Variants in AGBL4 observed in about 807,000 individuals in gnomAD.
The protein encoded by AGBL4 is cytosolic carboxypeptidase 6.
In AGBL4, 58 loss-of-function variants were observed where a neutral mutation model predicts 66.4. That is an observed-to-expected ratio of 0.87 (90% CI 0.71 to 1.09). The LOEUF is 1.09. Ranked by LOEUF, AGBL4 falls within the 50% of genes least tolerant of loss-of-function variation. AGBL4 has a pLI of 0.00. For missense variants in AGBL4, 579 were observed against 631.0 expected, an observed-to-expected ratio of 0.92 and a Z score of 0.88; for synonymous variants, 234 against 222.9, an observed-to-expected ratio of 1.05 and a Z score of -0.44.
At chr1:49,245,957 A>C (rs1192191488) in intron 3 of AGBL4, 93 bp from the exon 4 acceptor site, 2 of 933,348 alleles carry the variant, frequency 2.1e-6, no homozygotes, top group Non-Finnish European at 3.3e-6. Context: ...GGGTTAAAGA[A>C]AGCCATATGG....
chr1:48,720,960 T>G (rs1401627641), intron 6 of AGBL4, among the ~76,000 whole-genome samples: 1 of 107,080 alleles, frequency 9.3e-6, no homozygotes, highest in Non-Finnish European at 2.7e-5. Flanking sequence ...CCAGAGAGGA[T>G]AGTTTTTTTT....
At chr1:49,252,803 C>A (rs1652177118) in intron 3 of AGBL4, among the ~76,000 whole-genome samples, 1 of 152,050 alleles carries the variant, frequency 6.6e-6, no homozygotes, top group South Asian at 2.1e-4. Flanking sequence ...CATATCTGAC[C>A]AAAGTAAGCT....
chr1:49,258,329 A>T (rs1437317511), intron 3 of AGBL4, among the ~76,000 whole-genome samples: 1 of 152,232 alleles, frequency 6.6e-6, no homozygotes, highest in Non-Finnish European at 1.5e-5. Flanking sequence ...GAGTTGAGAG[A>T]AGAAGGCTTC....
chr1:49,381,673 A>G (rs1445793483), intron 3 of AGBL4, among the ~76,000 whole-genome samples: 4 of 152,146 alleles, frequency 2.6e-5, no homozygotes, highest in Non-Finnish European at 4.4e-5. Flanking sequence ...GCCATAAAAA[A>G]TGATGAGTTC....
chr1:49,046,467 G>A (rs1286517507), intron 4 of AGBL4, among the ~76,000 whole-genome samples: 3 of 152,162 alleles, frequency 2.0e-5, no homozygotes, highest in African/African-American at 7.2e-5. Context: ...TTGGGAAATA[G>A]TGCTTTAAAA....
At chr1:48,761,442 C>A in intron 6 of AGBL4, 1 of 1,551,256 alleles carries the variant, frequency 6.4e-7, no homozygotes, top group Non-Finnish European at 8.7e-7. Context: ...TCTTCTGCAT[C>A]ACACTGTTTT....
intron 1 of AGBL4, among the ~76,000 whole-genome samples, chr1:49,883,186 T>C (rs1385529618): frequency 1.3e-5 from 2 of 152,202 alleles, no homozygotes; most frequent in Admixed American, 6.5e-5. Flanking sequence ...AATACAACAC[T>C]ACCATATCAA....
intron 4 of AGBL4, among the ~76,000 whole-genome samples, chr1:49,162,911 C>T (rs1200967035): frequency 6.6e-6 from 1 of 152,076 alleles, no homozygotes; most frequent in Non-Finnish European, 1.5e-5. Context: ...TTGCTTGATA[C>T]CTATTTTTGA....
chr1:49,510,252 C>T (rs993000668), intron 3 of AGBL4, among the ~76,000 whole-genome samples: 1 of 151,828 alleles, frequency 6.6e-6, no homozygotes, highest in Non-Finnish European at 1.5e-5. Context: ...CTGTTGTTTC[C>T]TGACTTTTTA....
intron 3 of AGBL4, among the ~76,000 whole-genome samples, chr1:49,493,761 T>A (rs1647280656): frequency 6.6e-6 from 1 of 152,028 alleles, no homozygotes; most frequent in Non-Finnish European, 1.5e-5. Flanking sequence ...AGTTTTGAAT[T>A]GTTTTTGTAT....
At chr1:49,098,881 G>A (rs1332892758) in intron 4 of AGBL4, among the ~76,000 whole-genome samples, 2 of 152,176 alleles carry the variant, frequency 1.3e-5, no homozygotes, top group Non-Finnish European at 2.9e-5. Flanking sequence ...ATGGCAATAT[G>A]CAATCCAATG....
At chr1:49,918,715 A>C (rs1651859263) in intron 1 of AGBL4, among the ~76,000 whole-genome samples, 1 of 152,234 alleles carries the variant, frequency 6.6e-6, no homozygotes, top group Non-Finnish European at 1.5e-5. Flanking sequence ...AAAAAGAGGG[A>C]ATACTCCCTA....
chr1:48,653,266 C>T (rs573258620), intron 8 of AGBL4, 71 bp downstream of exon 8: 49 of 1,191,350 alleles, frequency 4.1e-5, no homozygotes, highest in Middle Eastern at 2.0e-4. Context: ...AAATATATCC[C>T]GTATTTTTTC....
intron 3 of AGBL4, among the ~76,000 whole-genome samples, chr1:49,632,501 T>C (rs1287317856): frequency 2.6e-5 from 4 of 152,198 alleles, no homozygotes; most frequent in Non-Finnish European, 4.4e-5. Flanking sequence ...TCATCTGTCC[T>C]CCTATGAGAA....
At chr1:49,365,324 T>G (rs549728296) in intron 3 of AGBL4, among the ~76,000 whole-genome samples, 1 of 152,042 alleles carries the variant, frequency 6.6e-6, no homozygotes, top group Non-Finnish European at 1.5e-5. Context: ...CTTCTAGGCC[T>G]CATCTGAACC....
chr1:49,976,362 C>A (rs7522038), intron 1 of AGBL4, among the ~76,000 whole-genome samples: 19 of 152,006 alleles, frequency 1.2e-4, no homozygotes, highest in Non-Finnish European at 2.6e-4. Flanking sequence ...TACCCATGCA[C>A]TTTGGGGGTT....
intron 3 of AGBL4, among the ~76,000 whole-genome samples, chr1:49,627,305 T>C (rs1443776234): frequency 2.0e-5 from 3 of 152,130 alleles, no homozygotes; most frequent in African/African-American, 7.2e-5. Flanking sequence ...TATTTTTAAA[T>C]CTATATTAAT....
intron 3 of AGBL4, among the ~76,000 whole-genome samples, chr1:49,407,137 T>A (rs1645221776): frequency 6.6e-6 from 1 of 151,826 alleles, no homozygotes; most frequent in South Asian, 2.1e-4. Context: ...CAGTTAATTT[T>A]ATGTATCAAA....
intron 3 of AGBL4, among the ~76,000 whole-genome samples, chr1:49,609,530 GATTAAA>G (rs1361367430): frequency 6.6e-6 from 1 of 152,038 alleles, no homozygotes; most frequent in Non-Finnish European, 1.5e-5. Context: ...AAAAGAAGGG[GATTAAA>G]ATCTGACAAC....
Sources: allele counts gnomAD v4.1 joint callset (sites outside exome capture counted in the v4.1 genomes callset), GRCh38; gene constraint gnomAD v4.1.1; transcripts MANE v1.5; gene names NCBI Gene and HGNC (gene_info 2026-07-23, HGNC 2026-07-21).